ANO10: variants seen among roughly 807,000 people sequenced by gnomAD.
The protein encoded by ANO10 is anoctamin 10.
Under a neutral mutation model 74.7 loss-of-function variants are expected in ANO10, and 77 were observed. The ratio of observed to expected loss-of-function variants is 1.03; its 90% confidence interval spans 0.86 to 1.25. The LOEUF is 1.25. Among genes scored for constraint, ANO10 ranks in the 50% most tolerant of loss-of-function variants. ANO10 has a pLI of 0.00. For synonymous variants in ANO10, 279 were observed against 284.9 expected (o/e 0.98, Z 0.21); for missense variants, 721 against 778.1 (o/e 0.93, Z 0.87).
At chr3:43,492,313 G>A (rs990339730) in intron 11 of ANO10, among the ~76,000 whole-genome samples, 3 of 152,162 alleles carry the variant, frequency 2.0e-5, no homozygotes, top group South Asian at 2.1e-4. Context: ...AGACTTAAAC[G>A]TAAGACCTAG....
chr3:43,523,352 A>C (rs1488729006), intron 11 of ANO10, among the ~76,000 whole-genome samples: 1 of 152,200 alleles, frequency 6.6e-6, no homozygotes, highest in Non-Finnish European at 1.5e-5. Flanking sequence ...TCTGGGCTTT[A>C]ATCCTGAAAA....
At chr3:43,613,028 C>T (rs1417616073) in intron 1 of ANO10, among the ~76,000 whole-genome samples, 3 of 151,978 alleles carry the variant, frequency 2.0e-5, no homozygotes, top group Non-Finnish European at 2.9e-5. Context: ...ATTAGCCAGG[C>T]GTGGTGGCAC....
intron 9 of ANO10, among the ~76,000 whole-genome samples, chr3:43,557,402 A>T (rs951766679): frequency 6.6e-6 from 1 of 152,168 alleles, no homozygotes; most frequent in Non-Finnish European, 1.5e-5. Context: ...TTTTGGTCTT[A>T]AGGAGCCCTA....
chr3:43,462,205 G>A lies in ANO10; in HGVS notation c.1798-29478C>T, dbSNP rs144569132. 8.5e-3 allele frequency among the ~76,000 whole-genome samples: 1,287 copies of A among 152,244 alleles called. 14 individuals carry two copies. Among genetic ancestry groups the A allele is most frequent in the Non-Finnish European group, 0.014 (924 of 68,012 alleles). On this transcript the variant is annotated intron_variant, in intron 11 of 12. Coordinates refer to ENST00000292246, the MANE Select transcript of ANO10 (RefSeq NM_018075.5). Reference sequence around the variant, plus strand: ...AGCAAAGCATTCAACAGGTGACTTGGGTGCTGTTGAAAGCATTCAGTATTT... The same window carrying A: ...AGCAAAGCATTCAACAGGTGACTTGAGTGCTGTTGAAAGCATTCAGTATTT...
At chr3:43,432,516 C>T in intron 12 of ANO10, 95 bp downstream of exon 12, 1 of 1,150,784 alleles carries the variant, frequency 8.7e-7, no homozygotes, top group South Asian at 1.2e-5. Flanking sequence ...CTGGTAACTT[C>T]AAGGCTGAAA....
chr3:43,601,208 A>G, intron 2 of ANO10, among the ~76,000 whole-genome samples: 1 of 152,126 alleles, frequency 6.6e-6, no homozygotes, highest in Non-Finnish European at 1.5e-5. Flanking sequence ...ACCTACATCA[A>G]TTTTTGTTTG....
At chr3:43,439,652 G>A (rs1322972400) in intron 11 of ANO10, among the ~76,000 whole-genome samples, 1 of 152,022 alleles carries the variant, frequency 6.6e-6, no homozygotes, top group Non-Finnish European at 1.5e-5. Flanking sequence ...GGCCCAGGTG[G>A]GTGAATCATT....
intron 11 of ANO10, among the ~76,000 whole-genome samples, chr3:43,498,390 C>T (rs777260900): frequency 6.6e-6 from 1 of 152,222 alleles, no homozygotes; most frequent in Non-Finnish European, 1.5e-5. Context: ...GAGGGAAGAA[C>T]TGTGTAGTAG....
chr3:43,423,975 C>T (rs1268278078), intron 12 of ANO10, among the ~76,000 whole-genome samples: 1 of 152,158 alleles, frequency 6.6e-6, no homozygotes, highest in African/African-American at 2.4e-5. Context: ...GTTACGGTAC[C>T]ATTTTATCCT....
chr3:43,408,556 C>G (rs759869060), intron 12 of ANO10, among the ~76,000 whole-genome samples: 2 of 152,192 alleles, frequency 1.3e-5, no homozygotes, highest in Non-Finnish European at 2.9e-5. Context: ...TAAAGATTGT[C>G]TGATGACTGA....
chr3:43,494,727 C>T (rs1424930849), intron 11 of ANO10, among the ~76,000 whole-genome samples: 1 of 151,958 alleles, frequency 6.6e-6, no homozygotes, highest in East Asian at 1.9e-4. Flanking sequence ...AAGGAAAGTA[C>T]AGAGCTTATG....
At chr3:43,654,618 C>T (rs1261862368) in intron 1 of ANO10, among the ~76,000 whole-genome samples, 1 of 148,908 alleles carries the variant, frequency 6.7e-6, no homozygotes, top group Non-Finnish European at 1.5e-5. Context: ...CACAACCAAA[C>T]CCAGTTTGGT....
At chr3:43,501,697 GCC>G (rs2077106182) in intron 11 of ANO10, among the ~76,000 whole-genome samples, 1 of 152,176 alleles carries the variant, frequency 6.6e-6, no homozygotes, top group Non-Finnish European at 1.5e-5. Context: ...TTGCCACACA[GCC>G]CAGCATAATA....
rs2083509387 is a variant in ANO10 at position 43,628,098 on chromosome 3, T to G, written c.-11-22235A>C. Among the ~76,000 whole-genome samples, 3 of 152,144 alleles carry G rather than the reference T, an allele frequency of 2.0e-5. No homozygotes were observed. In the South Asian group the frequency reaches 6.2e-4, roughly 32 times the overall value. ...TCATATAATATAAAGATAATAATTA[T>G]TTTTCCTCCTTTCTTGTCTTGTTTC... On this transcript the variant is annotated intron_variant, in intron 1 of 3. Coordinates refer to the ANO10 transcript ENST00000413397.
intron 1 of ANO10, among the ~76,000 whole-genome samples, chr3:43,608,457 G>A (rs1312459765): frequency 1.3e-5 from 2 of 152,136 alleles, no homozygotes; most frequent in Non-Finnish European, 2.9e-5. Context: ...TAGAGACAGG[G>A]TTTTGCCATG....
At chr3:43,549,174 C>T (rs1315330398) in intron 11 of ANO10, among the ~76,000 whole-genome samples, 1 of 151,934 alleles carries the variant, frequency 6.6e-6, no homozygotes, top group Non-Finnish European at 1.5e-5. Context: ...GCCATCATAG[C>T]TCACTGTAAC....
chr3:43,576,879 G>T lies in ANO10; in HGVS notation c.975C>A (p.Cys325Ter). 1 of 1,614,138 alleles carries T rather than the reference G, an allele frequency of 6.2e-7. No homozygotes were observed. The highest frequency in any genetic ancestry group is 1.1e-5 in the South Asian group (1 of 91,082). The change falls in exon 6 of 13, where the codon TGC becomes TGA. Residue 325 changes from cysteine to a stop codon, truncating the protein, a stop_gained. Transcript: ENST00000292246. LOFTEE classifies it high-confidence loss of function. The stretch of plus-strand genomic sequence containing the variant: ...TCATGACATACAGTGAGAAATAGAG[G>T]CAGAGGCACACGAATGGCAGGGAGA... Reference protein sequence around the residue: ...YLVSLPFVCLCLYFSLYVMMI... With the variant: ...YLVSLPFVCL
intron 12 of ANO10, among the ~76,000 whole-genome samples, chr3:43,395,783 A>G (rs1039963437): frequency 5.3e-5 from 8 of 152,010 alleles, no homozygotes; most frequent in African/African-American, 1.9e-4. Flanking sequence ...AAAAAAAAAA[A>G]GCCTACTTAG....
At chr3:43,510,704 C>T (rs923667417) in intron 11 of ANO10, among the ~76,000 whole-genome samples, 88 of 152,214 alleles carry the variant, frequency 5.8e-4, no homozygotes, top group African/African-American at 2.0e-3. Flanking sequence ...GCCCCTTCTC[C>T]CACATCCCTG....
Sources: allele counts gnomAD v4.1 joint callset (sites outside exome capture counted in the v4.1 genomes callset), GRCh38; gene constraint gnomAD v4.1.1; transcripts MANE v1.5; gene names NCBI Gene and HGNC (gene_info 2026-07-23, HGNC 2026-07-21).